NEGR1: variants seen among roughly 807,000 people sequenced by gnomAD.
The protein encoded by NEGR1 is IgLON family member 4.
In NEGR1, 10 loss-of-function variants were observed where a neutral mutation model predicts 40.9. That is an observed-to-expected ratio of 0.24 (90% CI 0.15 to 0.42). NEGR1 has a LOEUF of 0.42. Ranked by LOEUF, NEGR1 falls within the 10% of genes least tolerant of loss-of-function variation. NEGR1 has a pLI of 1.00. For synonymous variants in NEGR1, 185 were observed against 166.8 expected (o/e 1.11, Z -0.84); for missense variants, 352 against 438.9 (o/e 0.80, Z 1.77).
chr1:71,744,403 T>A (rs1213750661), intron 3 of NEGR1, among the ~76,000 whole-genome samples: 2 of 149,724 alleles, frequency 1.3e-5, no homozygotes, highest in African/African-American at 4.9e-5. Context: ...AAACAACATA[T>A]CCATGTCATA....
At chr1:72,068,350 C>A (rs1401402847) in intron 1 of NEGR1, among the ~76,000 whole-genome samples, 2 of 152,140 alleles carry the variant, frequency 1.3e-5, no homozygotes, top group East Asian at 1.9e-4. Flanking sequence ...GCTGGCATCC[C>A]TTCATTGCAA....
At chr1:72,065,978 T>C (rs114516236) in intron 1 of NEGR1, among the ~76,000 whole-genome samples, 3,716 of 152,114 alleles carry the variant, frequency 0.024, 147 homozygotes, top group African/African-American at 0.084. Context: ...TTTAACCAAC[T>C]TGCAATTAAA....
chr1:71,678,912 G>C (rs1190626198), intron 4 of NEGR1, among the ~76,000 whole-genome samples: 1 of 152,172 alleles, frequency 6.6e-6, no homozygotes, highest in Non-Finnish European at 1.5e-5. Context: ...GCGGCATCAA[G>C]AAGAGGCTAA....
At chr1:71,505,579 C>A (rs1647027253) in intron 6 of NEGR1, among the ~76,000 whole-genome samples, 1 of 151,980 alleles carries the variant, frequency 6.6e-6, no homozygotes, top group South Asian at 2.1e-4. Flanking sequence ...CCGCGCCCGG[C>A]CCCCTACACC....
chr1:71,825,624 T>C (rs902420031), intron 2 of NEGR1, among the ~76,000 whole-genome samples: 5 of 151,886 alleles, frequency 3.3e-5, no homozygotes, highest in African/African-American at 1.2e-4. Flanking sequence ...CTATGGAATT[T>C]TGTGCAAGGT....
At chr1:72,252,977 G>A (rs929267238) in intron 1 of NEGR1, among the ~76,000 whole-genome samples, 1 of 152,158 alleles carries the variant, frequency 6.6e-6, no homozygotes, top group Admixed American at 6.5e-5. Flanking sequence ...TTTTGTTGGT[G>A]CTGCTGCTGT....
intron 1 of NEGR1, among the ~76,000 whole-genome samples, chr1:71,977,514 T>A (rs547286208): frequency 6.6e-6 from 1 of 152,090 alleles, no homozygotes; most frequent in Admixed American, 6.5e-5. Context: ...ATCTCAACAA[T>A]GATTTTTTAG....
At chr1:71,963,129 C>T (rs1242340576) in intron 1 of NEGR1, among the ~76,000 whole-genome samples, 4 of 151,832 alleles carry the variant, frequency 2.6e-5, no homozygotes, top group East Asian at 3.9e-4. Flanking sequence ...TAGGGTAATC[C>T]TATACATAAT....
At chr1:71,962,533 T>A (rs1646174046) in intron 1 of NEGR1, among the ~76,000 whole-genome samples, 1 of 152,220 alleles carries the variant, frequency 6.6e-6, no homozygotes, top group South Asian at 2.1e-4. Context: ...ATCATTCGTA[T>A]AATGATATTA....
At chr1:71,798,129 G>A (rs1443424466) in intron 2 of NEGR1, 1 of 151,890 alleles carries the variant, frequency 6.6e-6, no homozygotes, top group African/African-American at 2.4e-5. Flanking sequence ...ACAGCCAGGT[G>A]AGAGAACGTG....
At chr1:72,254,122 T>G (rs1655187793) in intron 1 of NEGR1, among the ~76,000 whole-genome samples, 1 of 152,218 alleles carries the variant, frequency 6.6e-6, no homozygotes, top group East Asian at 1.9e-4. Context: ...AATTTCACAC[T>G]TCTCTGTTTC....
chr1:72,264,280 TA>T (rs1335234079), intron 1 of NEGR1, among the ~76,000 whole-genome samples: 1 of 151,302 alleles, frequency 6.6e-6, no homozygotes, highest in Non-Finnish European at 1.5e-5. Flanking sequence ...TATTCATTTG[TA>T]AAACTGGAAT....
chr1:72,247,665 T>G (rs969836404), intron 1 of NEGR1, among the ~76,000 whole-genome samples: 1 of 152,218 alleles, frequency 6.6e-6, no homozygotes, highest in Non-Finnish European at 1.5e-5. Context: ...AACAAGTCTC[T>G]AAGAAGTTCC....
chr1:71,602,546 C>T (rs1242122660), intron 5 of NEGR1, among the ~76,000 whole-genome samples: 1 of 152,132 alleles, frequency 6.6e-6, no homozygotes, highest in Non-Finnish European at 1.5e-5. Context: ...CCACCGCGCC[C>T]GGCCGCCCAT....
intron 6 of NEGR1, among the ~76,000 whole-genome samples, chr1:71,569,042 G>A (rs990937382): frequency 2.6e-5 from 4 of 151,450 alleles, no homozygotes; most frequent in African/African-American, 7.3e-5. Context: ...TCAGCTTCCC[G>A]AGTAGCTGGG....
chr1:71,412,471 A>G lies in NEGR1; in HGVS notation c.941-4901T>C, dbSNP rs570108280. ...AGTTATATATATGTGATATATAACTATAAACATCTTGAAGTTATGGAACAT... is the reference window on the plus strand; with the variant it reads ...AGTTATATATATGTGATATATAACTGTAAACATCTTGAAGTTATGGAACAT... On this transcript the variant is annotated intron_variant, in intron 6 of 6. Coordinates refer to ENST00000357731, the MANE Select transcript of NEGR1 (RefSeq NM_173808.3). 1.9e-4 allele frequency among the ~76,000 whole-genome samples: 29 copies of G among 152,344 alleles called. No individual in the cohort carries two copies. The South Asian group carries it at 6.0e-3, about 32-fold the overall frequency.
At chr1:71,827,776 C>T (rs75975085) in intron 2 of NEGR1, among the ~76,000 whole-genome samples, 5 of 151,444 alleles carry the variant, frequency 3.3e-5, no homozygotes, top group East Asian at 3.9e-4. Flanking sequence ...GTAACTATAC[C>T]GCGAGAGAGA....
chr1:71,820,262 A>T (rs377250181), intron 2 of NEGR1, among the ~76,000 whole-genome samples: 11 of 152,076 alleles, frequency 7.2e-5, no homozygotes, highest in Admixed American at 1.3e-4. Context: ...TGACCAGAAG[A>T]TTGAGGGCAG....
chr1:72,140,628 C>T (rs192863521), intron 1 of NEGR1, among the ~76,000 whole-genome samples: 3 of 152,034 alleles, frequency 2.0e-5, no homozygotes, highest in Admixed American at 1.3e-4. Context: ...TCAAACCATG[C>T]AAAGTAGTAT....
Sources: gnomAD v4.1 joint callset for allele counts (sites outside exome capture counted in the v4.1 genomes callset) on GRCh38, gnomAD v4.1.1 for gene constraint, MANE v1.5 for transcripts, NCBI Gene and HGNC (gene_info 2026-07-23, HGNC 2026-07-21) for gene names.